Variants in SH3KBP1 observed in about 807,000 individuals in gnomAD.
SH3KBP1 encodes SH3 domain containing kinase binding protein 1.
Under a neutral mutation model 50.1 loss-of-function variants are expected in SH3KBP1, and 8 were observed. That is an observed-to-expected ratio of 0.16 (90% CI 0.09 to 0.29). The LOEUF (loss-of-function observed/expected upper bound fraction) is 0.29. Ranked by LOEUF, SH3KBP1 falls within the 10% of genes least tolerant of loss-of-function variation. SH3KBP1 has a pLI of 1.00. For synonymous variants in SH3KBP1, 227 were observed against 218.6 expected (o/e 1.04, Z -0.34); for missense variants, 377 against 535.2 (o/e 0.70, Z 2.92).
intron 4 of SH3KBP1, among the ~76,000 whole-genome samples, chrX:19,698,559 C>T (rs759057414): frequency 6.3e-5 from 7 of 111,856 alleles, no homozygotes; most frequent in African/African-American, 2.0e-4. Context: ...CACTGCTCAT[C>T]GCCTGGGGAC....
Position 19,537,854 on chromosome X carries a change from T to A in SH3KBP1, c.1893-74A>T, listed in dbSNP as rs1455223571. On this transcript the variant is annotated intron_variant, in intron 16 of 17. Transcript: ENST00000397821. The stretch of plus-strand genomic sequence containing the variant: ...ATCAGAGATCAGAAATCTCTTATTA[T>A]GACTACAAAATCCATCTGATCCTTT... 4.7e-6 allele frequency: 4 copies of A among 844,314 alleles called. No individual in the cohort carries two copies. In the African/African-American group the frequency reaches 8.3e-5, roughly 17 times the overall value. 69.6% of individuals were successfully genotyped at this position (844,314 alleles called of 1,213,427 possible). A position where few individuals can be genotyped will look rare whatever the true frequency, so the allele number is the denominator to read the frequency against.
intron 2 of SH3KBP1, among the ~76,000 whole-genome samples, chrX:19,761,553 T>A (rs755594901): frequency 8.9e-6 from 1 of 112,126 alleles, no homozygotes; most frequent in Admixed American, 9.4e-5. Flanking sequence ...GATATGTGCA[T>A]ATAGAGAAAA....
chrX:19,866,049 G>C (rs2068898004), intron 1 of SH3KBP1, among the ~76,000 whole-genome samples: 1 of 111,709 alleles, frequency 9.0e-6, no homozygotes, highest in African/African-American at 3.3e-5. Context: ...AAAGCAAGAG[G>C]AAAAAAGAAG....
intron 8 of SH3KBP1, among the ~76,000 whole-genome samples, chrX:19,623,093 A>G (rs1005325375): frequency 9.2e-6 from 1 of 108,633 alleles, no homozygotes; most frequent in Non-Finnish European, 1.9e-5. Flanking sequence ...CTCTCCATAC[A>G]TTAGGATTCA....
intron 2 of SH3KBP1, among the ~76,000 whole-genome samples, chrX:19,831,671 A>G (rs1296976493): frequency 3.8e-5 from 4 of 106,296 alleles, no homozygotes; most frequent in Non-Finnish European, 7.7e-5. Context: ...CATGCCTGTA[A>G]TCACAGCTAC....
chrX:19,630,367 T>G (rs2061549137), intron 8 of SH3KBP1, among the ~76,000 whole-genome samples: 1 of 112,545 alleles, frequency 8.9e-6, no homozygotes, highest in Non-Finnish European at 1.9e-5. Flanking sequence ...GTATTGTGCT[T>G]CACACCCATT....
intron 2 of SH3KBP1, among the ~76,000 whole-genome samples, chrX:19,798,554 T>C (rs762497333): frequency 4.6e-4 from 52 of 111,854 alleles, no homozygotes; most frequent in Non-Finnish European, 9.2e-4. Flanking sequence ...ATCTTTAACT[T>C]AAACGTTAGC....
chrX:19,670,757 G>T, intron 6 of SH3KBP1: 2 of 860,525 alleles, frequency 2.3e-6, no homozygotes, highest in Non-Finnish European at 3.2e-6. Context: ...ACCCACTAAT[G>T]CAAACCCATT....
Position 19,835,203 on chromosome X carries a change from G to T in SH3KBP1, c.162+922C>A, listed in dbSNP as rs377587598. On this transcript the variant is annotated intron_variant, in intron 2 of 17. Coordinates refer to ENST00000397821, the MANE Select transcript of SH3KBP1 (RefSeq NM_031892.3). Reference sequence around the variant, plus strand: ...ACAGGGAGTGCTCTGGCATGATCACGGCTCATTGCAGTCTCAACCTCCTGG... The same window carrying T: ...ACAGGGAGTGCTCTGGCATGATCACTGCTCATTGCAGTCTCAACCTCCTGG... 1.1e-4 allele frequency among the ~76,000 whole-genome samples: 12 copies of T among 111,846 alleles called. No individual in the cohort carries two copies. The East Asian group carries it at 3.3e-3, about 31-fold the overall frequency.
chrX:19,858,447 C>T (rs1051310751), intron 1 of SH3KBP1, among the ~76,000 whole-genome samples: 1 of 110,771 alleles, frequency 9.0e-6, no homozygotes, highest in Admixed American at 9.6e-5. Flanking sequence ...ATAGTGAGAT[C>T]CCATCTCTAC....
At chrX:19,588,925 G>A (rs2066654256) in intron 11 of SH3KBP1, 123 bp from the exon 12 acceptor site, 1 of 607,373 alleles carries the variant, frequency 1.6e-6, no homozygotes, top group Non-Finnish European at 2.4e-6. Flanking sequence ...AGGTGATCAT[G>A]GAAGGCCAAG....
At chrX:19,631,705 T>C (rs1320879226) in intron 8 of SH3KBP1, among the ~76,000 whole-genome samples, 159 bp downstream of exon 8, 1 of 112,505 alleles carries the variant, frequency 8.9e-6, no homozygotes, top group Non-Finnish European at 1.9e-5. Context: ...ACTTGGATGC[T>C]GGGCTTAGCT....
chrX:19,804,941 A>G (rs1437582113), intron 2 of SH3KBP1, among the ~76,000 whole-genome samples: 1 of 98,277 alleles, frequency 1.0e-5, no homozygotes. Flanking sequence ...CCTAGGAAGA[A>G]GGGCACATCT....
In SH3KBP1 at chrX:19,570,086, G is replaced by A. The variant is rs148310168; in HGVS notation, c.1299-898C>T. On this transcript the variant is annotated intron_variant, in intron 12 of 17. Coordinates refer to ENST00000397821, the MANE Select transcript of SH3KBP1 (RefSeq NM_031892.3). ...ATGGCCTGAAGTTACACCTCACAAT[G>A]AGTAGTACCAGATTTAGTCAACAAG... Among the ~76,000 whole-genome samples, 1,085 of 112,150 alleles carry A rather than the reference G, an allele frequency of 9.7e-3. 13 individuals are homozygous for A. Among genetic ancestry groups the A allele is most frequent in the African/African-American group, 0.033 (1,011 of 30,872 alleles).
chrX:19,634,533 C>A (rs1052115865), intron 7 of SH3KBP1, among the ~76,000 whole-genome samples: 4 of 111,015 alleles, frequency 3.6e-5, no homozygotes, highest in African/African-American at 1.3e-4. Flanking sequence ...CATATCTCAG[C>A]CCTCTTTGCA....
chrX:19,878,472 T>TTGTGTGTGTGTGTGTGTGTGTGTGTGTG (rs56786885), intron 1 of SH3KBP1, among the ~76,000 whole-genome samples: 1 of 73,052 alleles, frequency 1.4e-5, no homozygotes, highest in African/African-American at 6.5e-5. Context: ...CCTGGCTAAT[T>TTGTGTGTGTGTGTGTGTGTGTGTGTGTG]TGTGTGTGTG....
intron 2 of SH3KBP1, among the ~76,000 whole-genome samples, chrX:19,806,011 G>T (rs1337424565): frequency 1.8e-5 from 2 of 111,156 alleles, no homozygotes; most frequent in African/African-American, 6.6e-5. Flanking sequence ...ATCAAGAAAG[G>T]TACTCTTGGG....
chrX:19,880,996 G>A (rs1302745287), intron 1 of SH3KBP1, among the ~76,000 whole-genome samples: 1 of 111,691 alleles, frequency 9.0e-6, no homozygotes, highest in Admixed American at 9.5e-5. Flanking sequence ...TTGAACTTCC[G>A]ACCTCTAGAA....
chrX:19,639,540 T>C (rs779640066), intron 7 of SH3KBP1, among the ~76,000 whole-genome samples: 28 of 111,127 alleles, frequency 2.5e-4, no homozygotes, highest in Non-Finnish European at 4.5e-4. Context: ...AAGAGGACTG[T>C]ATTTGAAATG....
Sources: allele counts gnomAD v4.1 joint callset (sites outside exome capture counted in the v4.1 genomes callset), GRCh38; gene constraint gnomAD v4.1.1; transcripts MANE v1.5; gene names NCBI Gene and HGNC (gene_info 2026-07-23, HGNC 2026-07-21).